The following DNM3 variants were observed in gnomAD, a reference collection of about 807,000 sequenced individuals.
DNM3 encodes the protein dynamin 3.
DNM3 carries 47 observed loss-of-function variants against 101.6 expected under a neutral mutation model. The ratio of observed to expected loss-of-function variants is 0.46; its 90% CI spans 0.37 to 0.59. DNM3 has a LOEUF of 0.59. Among genes scored for constraint, DNM3 ranks in the 20% least tolerant of loss-of-function variants. The pLI is 0.00. For synonymous variants in DNM3, 385 were observed against 387.9 expected (o/e 0.99, Z 0.09); for missense variants, 849 against 1,085.7 (o/e 0.78, Z 3.06).
intron 14 of DNM3, among the ~76,000 whole-genome samples, chr1:172,230,236 T>C (rs1208046975): frequency 1.3e-5 from 2 of 152,176 alleles, no homozygotes; most frequent in African/African-American, 2.4e-5. Context: ...ATACAAACTA[T>C]AAAACTGGGT....
intron 4 of DNM3, among the ~76,000 whole-genome samples, chr1:172,028,539 C>G (rs2048370328): frequency 6.6e-6 from 1 of 152,074 alleles, no homozygotes. Context: ...AATTCAAAAA[C>G]TAGCGGAAGA....
chr1:172,188,017 A>G (rs2059582690), intron 14 of DNM3, among the ~76,000 whole-genome samples: 1 of 152,108 alleles, frequency 6.6e-6, no homozygotes, highest in Admixed American at 6.6e-5. Context: ...CAAACCCACT[A>G]TATATGTCTA....
At chr1:172,376,521 GA>G (rs1413393623) in intron 17 of DNM3, 1 of 152,024 alleles carries the variant, frequency 6.6e-6, no homozygotes, top group African/African-American at 2.4e-5. Flanking sequence ...TGGGGTTAGA[GA>G]AAAGGAAGTG....
chr1:172,020,012 G>T lies in DNM3; in HGVS notation c.590-12390G>T, dbSNP rs578106127. On this transcript the variant is annotated intron_variant, in intron 4 of 20. Transcript: ENST00000627582. ...TTGCTCTGTCTCCTCAAACTGTGGG[G>T]TTTTTTTCTTCGCCTTTTAATATGC... Among the ~76,000 whole-genome samples, 5 of 152,024 alleles carry T rather than the reference G, an allele frequency of 3.3e-5. No homozygotes were observed. In the South Asian group the frequency reaches 1.0e-3, roughly 32 times the overall value.
At chr1:172,315,581 C>T (rs1156310890) in intron 16 of DNM3, among the ~76,000 whole-genome samples, 4 of 152,120 alleles carry the variant, frequency 2.6e-5, no homozygotes, top group South Asian at 2.1e-4. Flanking sequence ...TCGAGAACTA[C>T]GTGAAGAATG....
chr1:171,937,502 C>T (rs2041519706), intron 2 of DNM3, among the ~76,000 whole-genome samples: 1 of 152,114 alleles, frequency 6.6e-6, no homozygotes. Context: ...TAGATGCAGA[C>T]TCCTGGACAT....
At chr1:172,144,521 G>C (rs374042594) in intron 14 of DNM3, 1 of 466,290 alleles carries the variant, frequency 2.1e-6, no homozygotes, top group Non-Finnish European at 4.4e-6. Flanking sequence ...TTTGTCCCCA[G>C]CGGTCCATGG....
At chr1:172,064,472 A>G (rs2051491540) in intron 10 of DNM3, among the ~76,000 whole-genome samples, 1 of 152,186 alleles carries the variant, frequency 6.6e-6, no homozygotes, top group Admixed American at 6.6e-5. Flanking sequence ...AAAGCTAAGT[A>G]AAGGGTGACA....
At chr1:172,222,734 T>G (rs1240275384) in intron 14 of DNM3, among the ~76,000 whole-genome samples, 1 of 152,098 alleles carries the variant, frequency 6.6e-6, no homozygotes, top group African/African-American at 2.4e-5. Context: ...AGAACCAACA[T>G]ACAACCACTT....
chr1:171,968,543 C>T (rs1185856672), intron 2 of DNM3, among the ~76,000 whole-genome samples: 4 of 152,080 alleles, frequency 2.6e-5, no homozygotes, highest in Non-Finnish European at 5.9e-5. Context: ...CTAGCACTGG[C>T]TTGTTTGGAA....
chr1:172,079,742 T>A (rs1312206642), intron 11 of DNM3, among the ~76,000 whole-genome samples: 1 of 152,212 alleles, frequency 6.6e-6, no homozygotes, highest in African/African-American at 2.4e-5. Context: ...ACTGTTTTTT[T>A]CCTCATCTTT....
chr1:172,281,549 C>CCCAAA (rs2063491504), intron 15 of DNM3, among the ~76,000 whole-genome samples: 2 of 152,134 alleles, frequency 1.3e-5, no homozygotes, highest in African/African-American at 4.8e-5. Context: ...TACAAAGTAG[C>CCCAAA]TTAGAGCCCA....
chr1:172,089,372 G>A (rs2053755426), intron 12 of DNM3, among the ~76,000 whole-genome samples: 1 of 152,114 alleles, frequency 6.6e-6, no homozygotes, highest in African/African-American at 2.4e-5. Context: ...TAATATTTCA[G>A]AGTTAATTGG....
chr1:171,875,678 A>AG (rs2035696061), intron 1 of DNM3, among the ~76,000 whole-genome samples: 1 of 152,180 alleles, frequency 6.6e-6, no homozygotes, highest in African/African-American at 2.4e-5. Flanking sequence ...CTGCGAAATT[A>AG]TAAAAATAGT....
At chr1:172,209,643 G>A (rs1434654092) in intron 14 of DNM3, among the ~76,000 whole-genome samples, 2 of 151,838 alleles carry the variant, frequency 1.3e-5, no homozygotes, top group African/African-American at 2.4e-5. Flanking sequence ...TGTGTCTGAC[G>A]GTGCTCCTAC....
intron 14 of DNM3, among the ~76,000 whole-genome samples, chr1:172,212,201 A>C (rs546733932): frequency 1.1e-4 from 17 of 152,228 alleles, no homozygotes; most frequent in African/African-American, 4.1e-4. Context: ...AAAGAACAGA[A>C]AGGATGTCGA....
chr1:172,190,329 A>G (rs2059669875), intron 14 of DNM3, among the ~76,000 whole-genome samples: 1 of 152,194 alleles, frequency 6.6e-6, no homozygotes, highest in Non-Finnish European at 1.5e-5. Context: ...ATGTCCCTAT[A>G]AAGGACATGA....
chr1:172,393,189 C>A (rs1395065836), intron 20 of DNM3: 5 of 152,212 alleles, frequency 3.3e-5, no homozygotes, highest in East Asian at 1.9e-4. Flanking sequence ...CATGCATATT[C>A]TTTTCTTTAC....
chr1:172,389,604 C>G (rs375446579), intron 20 of DNM3, among the ~76,000 whole-genome samples: 2 of 151,900 alleles, frequency 1.3e-5, no homozygotes, highest in East Asian at 1.9e-4. Flanking sequence ...TTTTCCCCCT[C>G]AAAATCAGAA....
Sources: allele counts gnomAD v4.1 joint callset (sites outside exome capture counted in the v4.1 genomes callset), GRCh38; gene constraint gnomAD v4.1.1; transcripts MANE v1.5; gene names NCBI Gene and HGNC (gene_info 2026-07-23, HGNC 2026-07-21).